Variants in TTC39C observed in about 807,000 individuals in gnomAD.
TTC39C encodes tetratricopeptide repeat protein 39C.
Under a neutral mutation model 76.3 loss-of-function variants are expected in TTC39C, and 33 were observed. The ratio of observed to expected loss-of-function variants is 0.43; its 90% CI spans 0.33 to 0.58. TTC39C has a LOEUF of 0.58. Among genes scored for constraint, TTC39C ranks in the 20% least tolerant of loss-of-function variants. The pLI is 0.04. For missense variants in TTC39C, 595 were observed against 701.4 expected (o/e 0.85, Z 1.71); for synonymous variants, 254 against 260.6 (o/e 0.97, Z 0.24).
At chr18:24,011,342 G>C (rs529286043), upstream of TTC39C, among the ~76,000 whole-genome samples, 1 of 152,214 alleles carries the variant, frequency 6.6e-6, no homozygotes, top group East Asian at 1.9e-4. Context: ...GATTTAATTA[G>C]GGGATTTCAG....
intron 1 of TTC39C, among the ~76,000 whole-genome samples, chr18:24,058,821 A>AGT: frequency 6.6e-6 from 1 of 152,278 alleles, no homozygotes; most frequent in South Asian, 2.1e-4. Context: ...CAACCTGATG[A>AGT]GTATGGTGGT....
intron 11 of TTC39C, 128 bp from the exon 12 acceptor site, chr18:24,130,185 A>C: frequency 4.3e-6 from 2 of 468,590 alleles, no homozygotes; most frequent in Non-Finnish European, 7.8e-6. Flanking sequence ...GAAGATGAGG[A>C]AAGAAGAGAA....
intron 7 of TTC39C, among the ~76,000 whole-genome samples, chr18:24,117,711 GA>G (rs5823411): frequency 0.16 from 18,771 of 114,776 alleles, 2,075 homozygotes; most frequent in African/African-American, 0.34. Flanking sequence ...CAAAAAAAAA[GA>G]AAAAAAAAAA....
At chr18:24,048,598 A>G (rs1389279016) in intron 1 of TTC39C, among the ~76,000 whole-genome samples, 2 of 152,236 alleles carry the variant, frequency 1.3e-5, no homozygotes, top group Non-Finnish European at 2.9e-5. Flanking sequence ...TGGTTAAAAC[A>G]TGTAACTTTT....
chr18:24,121,418 A>G lies in TTC39C; in HGVS notation c.1187-2416A>G, dbSNP rs376583235. Among the ~76,000 whole-genome samples, 6 of 152,112 alleles carry G rather than the reference A, an allele frequency of 3.9e-5. No individual in the cohort carries two copies. In the East Asian group the frequency reaches 9.6e-4, roughly 24 times the overall value. On this transcript the variant is annotated intron_variant, in intron 8 of 13. Coordinates refer to ENST00000317571, the MANE Select transcript of TTC39C (RefSeq NM_001135993.2). ...AACATGGAGAAACTCCATCTCTACT[A>G]AAAATAAAAAATTAGCTGGGTGTGG...
chr18:24,058,492 T>C (rs1314666001), intron 1 of TTC39C, among the ~76,000 whole-genome samples: 2 of 151,878 alleles, frequency 1.3e-5, no homozygotes, highest in Admixed American at 1.3e-4. Context: ...CCATCTCTAC[T>C]AAAAATACAA....
chr18:24,080,082 A>G (rs570764189), intron 4 of TTC39C, among the ~76,000 whole-genome samples: 11 of 152,338 alleles, frequency 7.2e-5, no homozygotes, highest in African/African-American at 2.6e-4. Flanking sequence ...GATTACAGGC[A>G]TGAGCCACCG....
chr18:24,100,630 CA>C (rs2145789076), intron 6 of TTC39C, among the ~76,000 whole-genome samples: 1 of 152,320 alleles, frequency 6.6e-6, no homozygotes, highest in East Asian at 1.9e-4. Context: ...TTCCGAGCTT[CA>C]GTTTTTAGTG....
chr18:24,112,984 T>A (rs750891355), intron 6 of TTC39C, among the ~76,000 whole-genome samples: 7 of 151,950 alleles, frequency 4.6e-5, no homozygotes, highest in Non-Finnish European at 8.8e-5. Context: ...TGGTGTTTTG[T>A]GTTTGAGCTG....
At chr18:24,050,738 G>A (rs964073538) in intron 1 of TTC39C, among the ~76,000 whole-genome samples, 3 of 151,916 alleles carry the variant, frequency 2.0e-5, no homozygotes, top group Non-Finnish European at 4.4e-5. Flanking sequence ...GGGTGTGGTG[G>A]CGGGTGCCTT....
At chr18:24,015,463 G>C (rs1020352467) in intron 1 of TTC39C, 2 of 163,686 alleles carry the variant, frequency 1.2e-5, no homozygotes, top group Non-Finnish European at 2.6e-5. Context: ...CAGCCTTTGT[G>C]ACACGGAGCC....
At chr18:24,048,812 G>C (rs1048067255) in intron 1 of TTC39C, among the ~76,000 whole-genome samples, 6 of 152,216 alleles carry the variant, frequency 3.9e-5, no homozygotes, top group Non-Finnish European at 5.9e-5. Flanking sequence ...AAGACTAGAA[G>C]TTATTTTTAG....
intron 1 of TTC39C, among the ~76,000 whole-genome samples, chr18:24,030,032 G>C (rs2083648504): frequency 6.6e-6 from 1 of 152,136 alleles, no homozygotes; most frequent in Non-Finnish European, 1.5e-5. Flanking sequence ...TAGTGAGATT[G>C]CTGCATCAAA....
chr18:24,076,411 G>A (rs1049031791), intron 4 of TTC39C, among the ~76,000 whole-genome samples: 40 of 152,192 alleles, frequency 2.6e-4, no homozygotes, highest in Admixed American at 7.2e-4. Flanking sequence ...CTTAAATAGC[G>A]TGTTCTCTGC....
intron 1 of TTC39C, among the ~76,000 whole-genome samples, chr18:24,050,799 G>C (rs947963280): frequency 6.6e-6 from 1 of 150,786 alleles, no homozygotes; most frequent in African/African-American, 2.4e-5. Context: ...TTGAACCCGG[G>C]ATGCGAAAGT....
intron 4 of TTC39C, among the ~76,000 whole-genome samples, chr18:24,070,103 TC>T (rs1267293260): frequency 2.6e-5 from 4 of 152,218 alleles, no homozygotes; most frequent in African/African-American, 9.6e-5. Context: ...AGCCGGTTTT[TC>T]CCCCTTTTTC....
intron 1 of TTC39C, among the ~76,000 whole-genome samples, chr18:23,997,896 AAAAG>A (rs2083282590): frequency 6.6e-6 from 1 of 152,032 alleles, no homozygotes; most frequent in African/African-American, 2.4e-5. Flanking sequence ...AAAAAAAAGA[AAAAG>A]AAATTGGTTT....
At chr18:24,131,768 C>A in intron 12 of TTC39C, 114 bp from the exon 13 acceptor site, 1 of 767,896 alleles carries the variant, frequency 1.3e-6, no homozygotes, top group Non-Finnish European at 2.1e-6. Flanking sequence ...GAACAGTTGA[C>A]TCATTGCTAT....
rs557922430 is a variant in TTC39C at position 24,104,862 on chromosome 18, C to G, written c.985-9692C>G. On this transcript the variant is annotated intron_variant, in intron 6 of 13. Coordinates refer to ENST00000317571, the MANE Select transcript of TTC39C (RefSeq NM_001135993.2). ...ATTTATGGCATGTGGAAACAGTTCCCTAATTATGCAAAATTTATGAATTCC... is the reference window on the plus strand; with the variant it reads ...ATTTATGGCATGTGGAAACAGTTCCGTAATTATGCAAAATTTATGAATTCC... Among the ~76,000 whole-genome samples, 3 of 152,112 alleles carry G rather than the reference C, an allele frequency of 2.0e-5. No homozygotes were observed. In the East Asian group the frequency reaches 5.8e-4, roughly 29 times the overall value.
Sources: gnomAD v4.1 joint callset for allele counts (sites outside exome capture counted in the v4.1 genomes callset) on GRCh38, gnomAD v4.1.1 for gene constraint, MANE v1.5 for transcripts, NCBI Gene and HGNC (gene_info 2026-07-23, HGNC 2026-07-21) for gene names.